The following LRFN5 variants were observed in gnomAD, a reference collection of about 807,000 sequenced individuals.
LRFN5 encodes the protein leucine-rich repeat and fibronectin type-III domain-containing protein 5.
LRFN5 carries 24 observed loss-of-function variants against 45.6 expected under a neutral mutation model. That is an observed-to-expected ratio of 0.53 (90% confidence interval 0.38 to 0.74). The LOEUF (loss-of-function observed/expected upper bound fraction) is 0.74, where lower values mean the gene tolerates loss of function less well. Among genes scored for constraint, LRFN5 ranks in the 30% least tolerant of loss-of-function variants. The probability of loss-of-function intolerance (pLI) is 0.00; values close to 1 mark genes in which losing one functional copy is unlikely to be tolerated. For missense variants in LRFN5, 776 were observed against 861.5 expected, an observed-to-expected ratio of 0.90 and a Z score of 1.24; for synonymous variants, 340 against 313.8, an observed-to-expected ratio of 1.08 and a Z score of -0.88.
intron 2 of LRFN5, among the ~76,000 whole-genome samples, chr14:41,832,794 C>G (rs1036440850): frequency 1.2e-4 from 18 of 152,166 alleles, no homozygotes; most frequent in Non-Finnish European, 1.5e-5. Flanking sequence ...TTCTACTTTT[C>G]TCTTGTGTGA....
intron 5 of LRFN5, among the ~76,000 whole-genome samples, chr14:41,901,514 C>T (rs1282507482): frequency 6.6e-6 from 1 of 150,990 alleles, no homozygotes; most frequent in Non-Finnish European, 1.5e-5. Flanking sequence ...CTTGCACAGG[C>T]CTTTAAGATA....
At chr14:41,892,855 A>G in intron 4 of LRFN5, 2 of 985,374 alleles carry the variant, frequency 2.0e-6, no homozygotes, top group Non-Finnish European at 2.4e-6. Flanking sequence ...ACATGGACAT[A>G]TGAAGATGTT....
rs1250575941 is a variant in LRFN5 at position 41,678,653 on chromosome 14, C to T, written c.-197+70091C>T. ...TAACATCTTAGGTGGATAAACTAGTCTCAATAAATTTAAAAGAGGAAAGCG... is the reference window on the plus strand; with the variant it reads ...TAACATCTTAGGTGGATAAACTAGTTTCAATAAATTTAAAAGAGGAAAGCG... On this transcript the variant is annotated intron_variant, in intron 1 of 5. Coordinates refer to ENST00000298119, the MANE Select transcript of LRFN5 (RefSeq NM_152447.5). 2.6e-5 allele frequency among the ~76,000 whole-genome samples: 4 copies of T among 152,092 alleles called. 1 individual carries two copies. The highest frequency in any genetic ancestry group is 9.7e-5 in the African/African-American group (4 of 41,402).
chr14:41,836,292 A>G (rs1368684037), intron 2 of LRFN5, among the ~76,000 whole-genome samples: 1 of 152,220 alleles, frequency 6.6e-6, no homozygotes, highest in Non-Finnish European at 1.5e-5. Flanking sequence ...TGTGCTGCTA[A>G]AAAGGAGACA....
At chr14:41,629,926 G>A (rs1418509002) in intron 1 of LRFN5, among the ~76,000 whole-genome samples, 1 of 151,860 alleles carries the variant, frequency 6.6e-6, no homozygotes, top group African/African-American at 2.4e-5. Flanking sequence ...GCTTTATTTC[G>A]TTGTCACACA....
chr14:41,618,593 C>G (rs749162483), intron 1 of LRFN5, among the ~76,000 whole-genome samples: 3 of 152,096 alleles, frequency 2.0e-5, no homozygotes, highest in Non-Finnish European at 4.4e-5. Flanking sequence ...CAGGTGAGAC[C>G]AGCAGAAGAA....
In LRFN5 at chr14:41,670,911, T is replaced by G. The variant is rs145315142; in HGVS notation, c.-197+62349T>G. ...GTTCTATTTCACTTTTAAAAGCTTC[T>G]GTTTTATTATTTTGTAAAAACCTTG... On this transcript the variant is annotated intron_variant, in intron 1 of 5. Transcript: ENST00000298119. Among the ~76,000 whole-genome samples, 1,395 of 152,182 alleles carry G rather than the reference T, an allele frequency of 9.2e-3. 29 individuals carry two copies. The highest frequency in any genetic ancestry group is 0.032 in the African/African-American group (1,341 of 41,558).
At chr14:41,836,701 T>G (rs1193916445) in intron 2 of LRFN5, among the ~76,000 whole-genome samples, 2 of 152,176 alleles carry the variant, frequency 1.3e-5, no homozygotes, top group African/African-American at 2.4e-5. Flanking sequence ...TTTGTAGTGC[T>G]TATTCTGCGA....
At chr14:41,835,830 G>A (rs55879550) in intron 2 of LRFN5, among the ~76,000 whole-genome samples, 39,979 of 151,844 alleles carry the variant, frequency 0.26, 5,510 homozygotes, top group Middle Eastern at 0.35. Flanking sequence ...TTATTTTAAA[G>A]TAATCATTCT....
At chr14:41,617,906 T>A (rs750980739) in intron 1 of LRFN5, among the ~76,000 whole-genome samples, 34 of 152,144 alleles carry the variant, frequency 2.2e-4, no homozygotes, top group Non-Finnish European at 4.1e-4. Flanking sequence ...CATCTGTCCA[T>A]CATGAACACT....
At chr14:41,903,364 A>G (rs1003114079) in intron 5 of LRFN5, among the ~76,000 whole-genome samples, 4 of 151,526 alleles carry the variant, frequency 2.6e-5, no homozygotes, top group Non-Finnish European at 4.4e-5. Flanking sequence ...CAAATAAAAA[A>G]TTGTTAAGAT....
At chr14:41,846,480 G>A (rs545420874) in intron 2 of LRFN5, among the ~76,000 whole-genome samples, 1 of 152,106 alleles carries the variant, frequency 6.6e-6, no homozygotes, top group African/African-American at 2.4e-5. Flanking sequence ...AGGGAAAGAG[G>A]TCACATGCAA....
At chr14:41,765,348 AAAG>A (rs1333298690) in intron 1 of LRFN5, among the ~76,000 whole-genome samples, 17 of 122,278 alleles carry the variant, frequency 1.4e-4, no homozygotes, top group African/African-American at 5.3e-4. Flanking sequence ...TCTCAAAAAA[AAAG>A]GAGGAAAAAA....
rs541378197 is a variant in LRFN5 at position 41,620,674 on chromosome 14, G to A, written c.-197+12112G>A. Reference sequence around the variant, plus strand: ...ATAGCTATGTGAGTATATGACTATCGCACTTATTATTCTATTGGGATCAAA... The same window carrying A: ...ATAGCTATGTGAGTATATGACTATCACACTTATTATTCTATTGGGATCAAA... On this transcript the variant is annotated intron_variant, in intron 1 of 5. Transcript: ENST00000298119. Among the ~76,000 whole-genome samples the A allele has an allele frequency of 8.6e-5, 13 of 151,872 alleles. 1 individual carries two copies. In the South Asian group the frequency reaches 2.7e-3, roughly 32 times the overall value.
At chr14:41,836,070 A>G (rs1440652543) in intron 2 of LRFN5, among the ~76,000 whole-genome samples, 2 of 152,194 alleles carry the variant, frequency 1.3e-5, no homozygotes, top group Non-Finnish European at 2.9e-5. Flanking sequence ...TCCACCTTTA[A>G]AAGAATCACA....
intron 1 of LRFN5, among the ~76,000 whole-genome samples, chr14:41,751,842 G>T (rs1594674243): frequency 1.3e-5 from 2 of 151,892 alleles, no homozygotes; most frequent in African/African-American, 2.4e-5. Context: ...TATACATATG[G>T]CATGTTGGTG....
In LRFN5 at chr14:41,898,966, A is replaced by T. The variant is rs781590889; in HGVS notation, c.2142+6A>T. The T allele has an allele frequency of 6.2e-7, 1 of 1,609,274 alleles. No individual in the cohort carries two copies. Among genetic ancestry groups the T allele is most frequent in the African/African-American group, 1.3e-5 (1 of 74,884 alleles). ...AGATTGTCCAGGAAACACAGGTGAG[A>T]TTCTTATTACCTATAACTTACTTCA... On this transcript the variant is annotated splice_donor_region_variant and intron_variant, in intron 5 of 5. Coordinates refer to ENST00000298119, the MANE Select transcript of LRFN5 (RefSeq NM_152447.5).
chr14:41,797,729 ATCTG>A (rs1331460290), intron 2 of LRFN5, among the ~76,000 whole-genome samples: 1 of 151,748 alleles, frequency 6.6e-6, no homozygotes, highest in South Asian at 2.1e-4. Context: ...CTGTCCATCT[ATCTG>A]TCTGTTCATC....
intron 1 of LRFN5, among the ~76,000 whole-genome samples, chr14:41,686,269 C>T (rs1286669112): frequency 6.6e-6 from 1 of 151,512 alleles, no homozygotes; most frequent in Non-Finnish European, 1.5e-5. Context: ...TCTCTGCTTG[C>T]ATATTGTTGG....
Sources: gnomAD v4.1 joint callset for allele counts (sites outside exome capture counted in the v4.1 genomes callset) on GRCh38, gnomAD v4.1.1 for gene constraint, MANE v1.5 for transcripts, NCBI Gene and HGNC (gene_info 2026-07-23, HGNC 2026-07-21) for gene names.